PRTG: variants seen among roughly 807,000 people sequenced by gnomAD.
The protein encoded by PRTG is immunoglobulin superfamily, DCC subclass, member 5.
PRTG carries 67 observed loss-of-function variants against 122.5 expected under a neutral mutation model. That is an observed-to-expected ratio of 0.55 (90% CI 0.45 to 0.67). The LOEUF (loss-of-function observed/expected upper bound fraction) is 0.67, where lower values mean the gene tolerates loss of function less well. PRTG is among the 30% of genes least tolerant of loss of function. The pLI is 0.00. For synonymous variants in PRTG, 554 were observed against 501.1 expected (o/e 1.11, Z -1.41); for missense variants, 1,435 against 1,415.4 (o/e 1.01, Z -0.22).
At chr15:55,638,519 A>AT in intron 14 of PRTG, 30 bp downstream of exon 14, 1 of 1,547,192 alleles carries the variant, frequency 6.5e-7, no homozygotes. Context: ...TTTTTTAAAG[A>AT]TAAAATCTAT....
chr15:55,697,131 A>G (rs2059636282), intron 2 of PRTG, among the ~76,000 whole-genome samples: 1 of 152,192 alleles, frequency 6.6e-6, no homozygotes, highest in Non-Finnish European at 1.5e-5. Context: ...GGCCAGAAAG[A>G]GGGTAACACA....
At chr15:55,729,076 T>C (rs1352938461) in intron 2 of PRTG, among the ~76,000 whole-genome samples, 4 of 152,094 alleles carry the variant, frequency 2.6e-5, no homozygotes, top group African/African-American at 4.8e-5. Context: ...ACAAACAGTA[T>C]CAAGAAAGTG....
intron 14 of PRTG, among the ~76,000 whole-genome samples, chr15:55,638,328 T>C (rs1044427800): frequency 6.6e-6 from 1 of 152,148 alleles, no homozygotes; most frequent in African/African-American, 2.4e-5. Flanking sequence ...ACACTAAATT[T>C]AAGCCTACGT....
intron 11 of PRTG, among the ~76,000 whole-genome samples, chr15:55,656,979 T>G (rs1382160746): frequency 6.6e-6 from 1 of 152,254 alleles, no homozygotes; most frequent in Non-Finnish European, 1.5e-5. Flanking sequence ...ATCTGGGACT[T>G]TGAATATAAA....
chr15:55,709,772 G>A (rs1476562623), intron 2 of PRTG, among the ~76,000 whole-genome samples: 1 of 152,126 alleles, frequency 6.6e-6, no homozygotes, highest in African/African-American at 2.4e-5. Context: ...ACAAACAAAC[G>A]AGTACATATT....
At chr15:55,628,458 C>T (rs1162370510) in intron 16 of PRTG, among the ~76,000 whole-genome samples, 1 of 151,888 alleles carries the variant, frequency 6.6e-6, no homozygotes, top group Non-Finnish European at 1.5e-5. Context: ...GAAAACCATG[C>T]TCTCTTCTTA....
rs143993535 is a variant in PRTG at position 55,673,336 on chromosome 15, A to G, written c.1852+35T>C. On this transcript the variant is annotated intron_variant, in intron 10 of 19. Transcript: ENST00000389286. Reference sequence around the variant, plus strand: ...AGAAAAACTTGATTCAAAAGTAAAAATACTGTATTTTCTTAACAGTCTTCA... The same window carrying G: ...AGAAAAACTTGATTCAAAAGTAAAAGTACTGTATTTTCTTAACAGTCTTCA... The G allele has an allele frequency of 6.2e-4, 907 of 1,474,344 alleles. 11 individuals carry two copies. The East Asian group carries it at 0.019, about 31-fold the overall frequency. The allele number at this position is 1,474,344 out of a possible 1,614,324, so 91.3% of individuals were successfully genotyped here. A position where few individuals can be genotyped will look rare whatever the true frequency, so the allele number is the denominator to read the frequency against.
Position 55,639,794 on chromosome 15 carries a change from T to C in PRTG, c.2172A>G (p.Pro724=), listed in dbSNP as rs1387731776. 1 of 1,613,910 alleles carries C rather than the reference T, an allele frequency of 6.2e-7. No individual in the cohort carries two copies. The highest frequency in any genetic ancestry group is 8.5e-7 in the Non-Finnish European group (1 of 1,179,942). Reference sequence around the variant, plus strand: ...TAGCCTTCGCATAGAGATGGTGGGGTGGTGGTGGAGGAGGGACCATGCGAT... The same window carrying C: ...TAGCCTTCGCATAGAGATGGTGGGGCGGTGGTGGAGGAGGGACCATGCGAT... ...VRDRMVPPPP[P]PHHLYAKANT... is the part of the protein sequence containing the mutation. The change falls in exon 13 of 20, where the codon CCA becomes CCG. Residue 724 remains proline (P), a synonymous_variant. Transcript: ENST00000389286.
rs2059263275 is a variant in PRTG at position 55,637,300 on chromosome 15, T to C, written c.2493A>G (p.Ile831Met). The change falls in exon 15 of 20, where the codon ATA (isoleucine) becomes ATG (methionine). Residue 831 changes from isoleucine to methionine, a missense_variant. By Grantham distance (10) the Ile-to-Met change is conservative. Coordinates refer to ENST00000389286, the MANE Select transcript of PRTG (RefSeq NM_173814.6). ...AAGAAACCAGGGCAGTGTCATCCTC[T>C]ATTAATGTCACTTTTACTCCAACTG... ...GPPVGVKVTL[I>M]EDDTALVSWK... is the part of the protein sequence containing the mutation. 1 of 1,613,558 alleles carries C rather than the reference T, an allele frequency of 6.2e-7. No homozygotes were observed. Among genetic ancestry groups the C allele is most frequent in the Admixed American group, 1.7e-5 (1 of 59,862 alleles).
rs530886258 is a variant in PRTG at position 55,672,425 on chromosome 15, T to C, written c.2041+20A>G. ...CAGAGAGGAAGGAAAAAGGGAAAAA[T>C]ACAGTACAAACTCACTCACCTAAGC... On this transcript the variant is annotated intron_variant, in intron 11 of 19. Coordinates refer to ENST00000389286, the MANE Select transcript of PRTG (RefSeq NM_173814.6). 2.7e-5 allele frequency: 43 copies of C among 1,582,740 alleles called. No individual in the cohort carries two copies. The highest frequency in any genetic ancestry group is 3.6e-5 in the Non-Finnish European group (42 of 1,165,576).
chr15:55,705,480 G>A lies in PRTG; in HGVS notation c.398-21549C>T, dbSNP rs916461362. Among the ~76,000 whole-genome samples, 6 of 152,250 alleles carry A rather than the reference G, an allele frequency of 3.9e-5. No homozygotes were observed. In the South Asian group the frequency reaches 6.2e-4, roughly 16 times the overall value. The stretch of plus-strand genomic sequence containing the variant: ...CCCTTTCTACTTATTCTTTTTGTGA[G>A]AGAGGGTCTCGCTCTGTCGCTGGAG... On this transcript the variant is annotated intron_variant, in intron 2 of 19. Coordinates refer to ENST00000389286, the MANE Select transcript of PRTG (RefSeq NM_173814.6).
intron 7 of PRTG, 63 bp from the exon 8 acceptor site, chr15:55,678,107 A>G: frequency 9.6e-7 from 1 of 1,039,296 alleles, no homozygotes; most frequent in South Asian, 1.5e-5. Flanking sequence ...AATAAAGTTT[A>G]GCTATTGCTA....
At chr15:55,734,057 A>G (rs1047493699) in intron 2 of PRTG, among the ~76,000 whole-genome samples, 2 of 152,138 alleles carry the variant, frequency 1.3e-5, no homozygotes, top group South Asian at 2.1e-4. Flanking sequence ...GGTTGTCACA[A>G]CTGGAAGAGA....
At chr15:55,730,849 G>A (rs2141883073) in intron 2 of PRTG, among the ~76,000 whole-genome samples, 1 of 152,296 alleles carries the variant, frequency 6.6e-6, no homozygotes, top group East Asian at 1.9e-4. Context: ...TCTGGTGCTA[G>A]ATAGTAGCTG....
chr15:55,642,950 A>G (rs2059300781), intron 11 of PRTG, among the ~76,000 whole-genome samples: 1 of 152,078 alleles, frequency 6.6e-6, no homozygotes, highest in South Asian at 2.1e-4. Context: ...GGTGCATGCC[A>G]TAGTCCCAGC....
chr15:55,714,169 T>C (rs370172519), intron 2 of PRTG, among the ~76,000 whole-genome samples: 29 of 152,120 alleles, frequency 1.9e-4, no homozygotes, highest in African/African-American at 6.7e-4. Flanking sequence ...CCCTGAGAAG[T>C]AGTCATCCTT....
At position 55,618,142 on chromosome 15, in the gene PRTG, C is replaced by A. The variant is rs1282541067; in HGVS notation, c.*1870G>T. ...ATGAATTCCGTACTTAGATAACTAA[C>A]TGGGGGACTCTGAGTTTAGTTCAGA... On this transcript the variant is annotated 3_prime_UTR_variant, in exon 20 of 20. Transcript: ENST00000389286. The A allele has an allele frequency of 6.6e-6, 1 of 152,142 alleles. No individual in the cohort carries two copies. Among genetic ancestry groups the A allele is most frequent in the Non-Finnish European group, 1.5e-5 (1 of 68,012 alleles). The allele number at this position is 152,142 out of a possible 1,614,324, so 9.4% of individuals were successfully genotyped here.
chr15:55,716,720 T>G (rs1595673157), intron 2 of PRTG, among the ~76,000 whole-genome samples: 1 of 152,224 alleles, frequency 6.6e-6, no homozygotes, highest in Admixed American at 6.5e-5. Flanking sequence ...AGATTTTAAC[T>G]GAGTTCACCA....
At chr15:55,700,103 ACT>A (rs1408934258) in intron 2 of PRTG, among the ~76,000 whole-genome samples, 1 of 152,170 alleles carries the variant, frequency 6.6e-6, no homozygotes, top group Non-Finnish European at 1.5e-5. Flanking sequence ...TTAGACATAT[ACT>A]CTCTGTATAT....
Sources: gnomAD v4.1 joint callset for allele counts (sites outside exome capture counted in the v4.1 genomes callset) on GRCh38, gnomAD v4.1.1 for gene constraint, MANE v1.5 for transcripts, NCBI Gene and HGNC (gene_info 2026-07-23, HGNC 2026-07-21) for gene names.